ERICH6B: variants seen among roughly 807,000 people sequenced by gnomAD.
The protein encoded by ERICH6B is glutamate-rich protein 6B.
In ERICH6B, 69 loss-of-function variants were observed where a neutral mutation model predicts 80.0. The observed-to-expected ratio is 0.86, with a 90% CI of 0.71 to 1.05. The LOEUF (loss-of-function observed/expected upper bound fraction) is 1.05, where lower values mean the gene tolerates loss of function less well. Among genes scored for constraint, ERICH6B ranks in the 50% least tolerant of loss-of-function variants. ERICH6B has a pLI of 0.00. For missense variants in ERICH6B, 754 were observed against 796.1 expected (o/e 0.95, Z 0.64); for synonymous variants, 283 against 291.9 (o/e 0.97, Z 0.31).
chr13:45,569,666 A>G lies in ERICH6B; in HGVS notation c.1051-1215T>C, dbSNP rs993766223. Among the ~76,000 whole-genome samples the G allele has an allele frequency of 5.3e-5, 8 of 152,318 alleles. No individual in the cohort carries two copies. In the South Asian group the frequency reaches 6.2e-4, roughly 12 times the overall value. On this transcript the variant is annotated intron_variant, in intron 8 of 14. Transcript: ENST00000298738. Reference sequence around the variant, plus strand: ...ATGGAAAATATACCATTAACTCACTATCTTCCTACAGCAAGTGAAAGACCA... The same window carrying G: ...ATGGAAAATATACCATTAACTCACTGTCTTCCTACAGCAAGTGAAAGACCA...
At chr13:45,557,050 C>T (rs1874471110) in intron 11 of ERICH6B, among the ~76,000 whole-genome samples, 1 of 152,154 alleles carries the variant, frequency 6.6e-6, no homozygotes, top group South Asian at 2.1e-4. Context: ...TTTACATTCC[C>T]CCCAGCAGTG....
intron 2 of ERICH6B, among the ~76,000 whole-genome samples, chr13:45,604,849 C>T (rs939548548): frequency 1.3e-5 from 2 of 152,112 alleles, no homozygotes; most frequent in African/African-American, 2.4e-5. Context: ...ATCACTTGAA[C>T]CCAGGAGGTC....
intron 9 of ERICH6B, among the ~76,000 whole-genome samples, chr13:45,565,352 A>G (rs1053909555): frequency 5.9e-5 from 9 of 152,152 alleles, no homozygotes; most frequent in African/African-American, 2.2e-4. Flanking sequence ...GAGAGTCTGC[A>G]ACAGACCCAT....
chr13:45,555,741 T>C (rs962977768), intron 11 of ERICH6B, among the ~76,000 whole-genome samples: 7 of 151,960 alleles, frequency 4.6e-5, no homozygotes, highest in Non-Finnish European at 8.8e-5. Context: ...AGGCTCAAAA[T>C]AGACATGACA....
At chr13:45,553,964 G>A (rs913309398) in intron 11 of ERICH6B, among the ~76,000 whole-genome samples, 1 of 151,986 alleles carries the variant, frequency 6.6e-6, no homozygotes, top group Non-Finnish European at 1.5e-5. Flanking sequence ...TTTTGTTATG[G>A]TGAGAAAACT....
At chr13:45,574,981 C>A (rs1192870172) in intron 7 of ERICH6B, 51 bp from the exon 8 acceptor site, 4 of 1,235,956 alleles carry the variant, frequency 3.2e-6, no homozygotes, top group East Asian at 2.5e-5. Flanking sequence ...GAAAGAAAAC[C>A]AAAAACATAA....
rs141979589 is a variant in ERICH6B at position 45,567,059 on chromosome 13, G to A, written c.1187+1256C>T. 7.4e-3 allele frequency among the ~76,000 whole-genome samples: 1,122 copies of A among 152,326 alleles called. 13 individuals carry two copies. The highest frequency in any genetic ancestry group is 0.025 in the African/African-American group (1,045 of 41,592). On this transcript the variant is annotated intron_variant, in intron 9 of 14. Transcript: ENST00000298738. ...TAAAGAAGATTATTTTGGAACTTTA[G>A]GGTTTAATGACTGTCCTATTGGATT...
intron 8 of ERICH6B, 139 bp downstream of exon 8, chr13:45,574,703 C>T: frequency 1.5e-6 from 1 of 651,936 alleles, no homozygotes. Context: ...CTCTAACACC[C>T]AGTCTGGGAT....
At chr13:45,606,904 A>T (rs1277589005) in intron 2 of ERICH6B, among the ~76,000 whole-genome samples, 1 of 151,992 alleles carries the variant, frequency 6.6e-6, no homozygotes, top group Admixed American at 6.6e-5. Flanking sequence ...ACATATCTCC[A>T]GGCAATTAAT....
chr13:45,581,028 C>A (rs778207416), intron 5 of ERICH6B, among the ~76,000 whole-genome samples: 1 of 152,110 alleles, frequency 6.6e-6, no homozygotes, highest in Non-Finnish European at 1.5e-5. Flanking sequence ...AACCATAGAA[C>A]CAAGTGGCTC....
chr13:45,550,401 T>C, intron 11 of ERICH6B, 85 bp from the exon 12 acceptor site: 1 of 1,123,110 alleles, frequency 8.9e-7, no homozygotes, highest in Non-Finnish European at 1.3e-6. Context: ...GTGGACCCCA[T>C]CTGCTTGCTC....
chr13:45,574,817 G>C lies in ERICH6B; in HGVS notation c.1050+25C>G, dbSNP rs543245753. The C allele has an allele frequency of 1.5e-5, 23 of 1,510,284 alleles. 1 individual carries two copies. The Admixed American group carries it at 2.6e-4, about 17-fold the overall frequency. 93.6% of individuals were successfully genotyped at this position (1,510,284 alleles called of 1,614,324 possible). On this transcript the variant is annotated intron_variant, in intron 8 of 14. Coordinates refer to ENST00000298738, the MANE Select transcript of ERICH6B (RefSeq NM_182542.3). ...TACATTTGGAGGAAGCTGGGGGGGG[G>C]GTCTCAAGTTTTTATCCAACTTACG...
chr13:45,551,429 C>T (rs1474953646), intron 11 of ERICH6B: 22 of 152,270 alleles, frequency 1.4e-4, no homozygotes, highest in Non-Finnish European at 1.5e-5. Flanking sequence ...AGATCTTCCT[C>T]CTACTCCTCC....
At chr13:45,555,089 G>A (rs779755696) in intron 11 of ERICH6B, among the ~76,000 whole-genome samples, 2 of 152,116 alleles carry the variant, frequency 1.3e-5, no homozygotes, top group Non-Finnish European at 1.5e-5. Flanking sequence ...GGGAGGGGGC[G>A]CCATGGTGGG....
intron 7 of ERICH6B, among the ~76,000 whole-genome samples, chr13:45,577,276 C>CTTTTTTTTTTTTTTTTT (rs34244794): frequency 9.3e-5 from 8 of 86,092 alleles, no homozygotes; most frequent in African/African-American, 2.1e-4. Flanking sequence ...AAAAACAAAT[C>CTTTTTTTTTTTTTTTTT]TTTTTTTTTT....
At chr13:45,570,186 T>G (rs541396320) in intron 8 of ERICH6B, among the ~76,000 whole-genome samples, 1 of 152,188 alleles carries the variant, frequency 6.6e-6, no homozygotes, top group African/African-American at 2.4e-5. Flanking sequence ...GTAGGTGTAT[T>G]GGGGACCTCA....
intron 4 of ERICH6B, among the ~76,000 whole-genome samples, chr13:45,589,956 C>T (rs1288843390): frequency 2.0e-5 from 3 of 152,188 alleles, no homozygotes; most frequent in Non-Finnish European, 4.4e-5. Context: ...CCTGTGCCCT[C>T]AAGTTGTAAC....
At chr13:45,611,560 G>C (rs767755047) in intron 1 of ERICH6B, among the ~76,000 whole-genome samples, 5 of 152,210 alleles carry the variant, frequency 3.3e-5, no homozygotes, top group Admixed American at 6.5e-5. Flanking sequence ...GTCAGGAATT[G>C]CATCTAGAGC....
At chr13:45,547,971 T>C (rs1874056434) in intron 13 of ERICH6B, among the ~76,000 whole-genome samples, 1 of 152,130 alleles carries the variant, frequency 6.6e-6, no homozygotes, top group Admixed American at 6.5e-5. Flanking sequence ...ATGGTCAGAA[T>C]TGGGAAGTTC....
Sources: gnomAD v4.1 joint callset for allele counts (sites outside exome capture counted in the v4.1 genomes callset) on GRCh38, gnomAD v4.1.1 for gene constraint, MANE v1.5 for transcripts, NCBI Gene and HGNC (gene_info 2026-07-23, HGNC 2026-07-21) for gene names.